RAD51B: variants seen among roughly 807,000 people sequenced by gnomAD.
RAD51B encodes the protein RAD51 paralog B.
RAD51B carries 38 observed loss-of-function variants against 42.2 expected under a neutral mutation model. The ratio of observed to expected loss-of-function variants is 0.90; its 90% CI spans 0.70 to 1.18. The LOEUF is 1.18. Among genes scored for constraint, RAD51B ranks in the 50% most tolerant of loss-of-function variants. The pLI, the probability that RAD51B is intolerant of heterozygous loss-of-function variation, is 0.00. For missense variants in RAD51B, 373 were observed against 400.7 expected (o/e 0.93, Z 0.59); for synonymous variants, 154 against 145.2 (o/e 1.06, Z -0.43).
intron 7 of RAD51B, among the ~76,000 whole-genome samples, chr14:67,919,440 A>G (rs2044253180): frequency 6.6e-6 from 1 of 152,134 alleles, no homozygotes; most frequent in Non-Finnish European, 1.5e-5. Context: ...TCTTTACTGG[A>G]AAAAAACCCT....
In RAD51B at chr14:68,405,658, G is replaced by A. The variant is rs76286051; in HGVS notation, c.854-5766G>A. 1.9e-3 allele frequency among the ~76,000 whole-genome samples: 291 copies of A among 151,816 alleles called. 2 individuals are homozygous for A. Among genetic ancestry groups the A allele is most frequent in the African/African-American group, 6.9e-3 (284 of 41,378 alleles). On this transcript the variant is annotated intron_variant, in intron 8 of 10. Transcript: ENST00000471583. ...ACTCATGGCCCTTACTTAAGACTTG[G>A]GTTTACCTGTCCAGAAAACAACCAA...
intron 7 of RAD51B, among the ~76,000 whole-genome samples, chr14:68,115,505 C>T (rs1347488044): frequency 7.4e-6 from 1 of 135,490 alleles, no homozygotes; most frequent in Non-Finnish European, 1.6e-5. Context: ...TGTAACTAAC[C>T]TGCACAATGT....
intron 7 of RAD51B, chr14:67,908,890 G>C (rs1382491156): frequency 6.6e-6 from 1 of 152,088 alleles, no homozygotes; most frequent in Non-Finnish European, 1.5e-5. Context: ...CCTTTTCAAG[G>C]AGAAAAGATT....
intron 7 of RAD51B, among the ~76,000 whole-genome samples, chr14:68,272,389 C>G (rs1316039411): frequency 6.6e-6 from 1 of 151,880 alleles, no homozygotes; most frequent in Non-Finnish European, 1.5e-5. Context: ...GTTATGAATC[C>G]TTGCTCCATT....
chr14:68,015,745 A>G (rs928224337), intron 7 of RAD51B, among the ~76,000 whole-genome samples: 5 of 152,244 alleles, frequency 3.3e-5, no homozygotes, highest in Admixed American at 3.3e-4. Context: ...CAGCCAAACC[A>G]TATCAGGTGG....
chr14:68,657,528 G>C (rs1022102664), intron 11 of RAD51B, among the ~76,000 whole-genome samples: 4 of 152,190 alleles, frequency 2.6e-5, no homozygotes, highest in African/African-American at 7.2e-5. Flanking sequence ...TGAGCCTGGT[G>C]GGGGGCCAAG....
intron 10 of RAD51B, among the ~76,000 whole-genome samples, chr14:68,512,276 G>A (rs1885784739): frequency 2.0e-5 from 3 of 152,238 alleles, no homozygotes; most frequent in Admixed American, 1.3e-4. Context: ...CCAAATTTGA[G>A]TGAGGGCTGG....
In RAD51B at chr14:67,963,643, A is replaced by G. The variant is rs141642578; in HGVS notation, c.756+76439A>G. ...CCTGATCTCAGTTTCTTCATCTGTA[A>G]TGACAGAGCTGAACTAGATTAGCCG... On this transcript the variant is annotated intron_variant, in intron 7 of 10. Coordinates refer to ENST00000471583, the MANE Select transcript of RAD51B (RefSeq NM_133510.4). Among the ~76,000 whole-genome samples the G allele has an allele frequency of 3.4e-3, 515 of 152,154 alleles. 2 individuals carry two copies. Among genetic ancestry groups the G allele is most frequent in the African/African-American group, 9.8e-3 (407 of 41,532 alleles).
chr14:68,242,691 AG>A, intron 7 of RAD51B, among the ~76,000 whole-genome samples: 1 of 152,348 alleles, frequency 6.6e-6, no homozygotes, highest in Non-Finnish European at 1.5e-5. Context: ...AGCCCTTCCT[AG>A]GTGCTAAACG....
chr14:68,115,614 G>A (rs1489783259), intron 7 of RAD51B, among the ~76,000 whole-genome samples: 5 of 149,684 alleles, frequency 3.3e-5, no homozygotes, highest in Admixed American at 1.3e-4. Context: ...CTACTGAAAA[G>A]CATCAAGACC....
At chr14:68,339,000 T>G in intron 8 of RAD51B, 2 of 657,094 alleles carry the variant, frequency 3.0e-6, no homozygotes, top group Non-Finnish European at 5.6e-6. Flanking sequence ...GACCCCCTTT[T>G]TACAACATGG....
chr14:68,226,677 C>G (rs1021211701), intron 7 of RAD51B, among the ~76,000 whole-genome samples: 1 of 152,158 alleles, frequency 6.6e-6, no homozygotes, highest in Non-Finnish European at 1.5e-5. Flanking sequence ...TCCATTAAAC[C>G]CTCGGGTATG....
intron 7 of RAD51B, among the ~76,000 whole-genome samples, chr14:68,040,659 T>C (rs1472730574): frequency 6.6e-6 from 1 of 152,208 alleles, no homozygotes; most frequent in Non-Finnish European, 1.5e-5. Context: ...ATTCAGTAAA[T>C]GAAGACACCA....
At chr14:68,349,681 A>C (rs2082744708) in intron 8 of RAD51B, among the ~76,000 whole-genome samples, 1 of 152,002 alleles carries the variant, frequency 6.6e-6, no homozygotes, top group Non-Finnish European at 1.5e-5. Context: ...ACTTTTTTAT[A>C]TCCATGGGGA....
At chr14:68,044,064 T>C (rs988024158) in intron 7 of RAD51B, among the ~76,000 whole-genome samples, 1 of 152,244 alleles carries the variant, frequency 6.6e-6, no homozygotes, top group Admixed American at 6.5e-5. Flanking sequence ...AACAGGTTTT[T>C]TCTTGTCTAC....
At chr14:68,672,899 C>G (rs1438176301) in intron 11 of RAD51B, among the ~76,000 whole-genome samples, 1 of 152,182 alleles carries the variant, frequency 6.6e-6, no homozygotes, top group Non-Finnish European at 1.5e-5. Context: ...TGCAATACAT[C>G]CCCCTGAAGA....
intron 7 of RAD51B, among the ~76,000 whole-genome samples, chr14:68,257,696 T>G (rs2080782518): frequency 6.6e-6 from 1 of 152,188 alleles, no homozygotes; most frequent in Admixed American, 6.5e-5. Context: ...AATTGAAAGA[T>G]TTCTCTCTTA....
At chr14:68,543,242 G>C (rs1186971756) in intron 10 of RAD51B, among the ~76,000 whole-genome samples, 1 of 152,122 alleles carries the variant, frequency 6.6e-6, no homozygotes, top group African/African-American at 2.4e-5. Context: ...TTTGGTCCTT[G>C]GGCTGTAGTT....
intron 3 of RAD51B, among the ~76,000 whole-genome samples, chr14:67,832,397 G>A (rs1013692492): frequency 6.6e-6 from 1 of 152,174 alleles, no homozygotes; most frequent in African/African-American, 2.4e-5. Context: ...AAGGTATTTG[G>A]TGTATATTGT....
Sources: allele counts gnomAD v4.1 joint callset (sites outside exome capture counted in the v4.1 genomes callset), GRCh38; gene constraint gnomAD v4.1.1; transcripts MANE v1.5; gene names NCBI Gene and HGNC (gene_info 2026-07-23, HGNC 2026-07-21).